The following CIMIP2C variants were observed in gnomAD, a reference collection of about 807,000 sequenced individuals.
The protein encoded by CIMIP2C is UPF0573 protein C2orf70.
chr2:26,566,901 G>A, the CIMIP2C span, among the ~76,000 whole-genome samples: 1 of 152,156 alleles, frequency 6.6e-6, no homozygotes, highest in Non-Finnish European at 1.5e-5. Flanking sequence ...TATATTTTTT[G>A]TAGAGACAGG....
At chr2:26,563,787 G>A in the CIMIP2C span, among the ~76,000 whole-genome samples, 1 of 152,174 alleles carries the variant, frequency 6.6e-6, no homozygotes, top group Non-Finnish European at 1.5e-5. Flanking sequence ...AGACACAGAG[G>A]TGCTGTGACA....
chr2:26,574,346 C>T, the CIMIP2C span, among the ~76,000 whole-genome samples: 1 of 152,194 alleles, frequency 6.6e-6, no homozygotes, highest in Non-Finnish European at 1.5e-5. Flanking sequence ...TACAAGGGCA[C>T]ATGGCTGGGC....
chr2:26,577,036 G>A, the CIMIP2C span, among the ~76,000 whole-genome samples: 7 of 152,214 alleles, frequency 4.6e-5, no homozygotes, highest in Non-Finnish European at 8.8e-5. Context: ...CCTCGGGAGA[G>A]GAGGAGGTTG....
the CIMIP2C span, chr2:26,579,098 A>C: frequency 1.7e-6 from 1 of 604,332 alleles, no homozygotes; most frequent in Non-Finnish European, 2.9e-6. Flanking sequence ...CTGTGTCCTC[A>C]CTCTTAACCA....
At chr2:26,572,844 C>T in the CIMIP2C span, among the ~76,000 whole-genome samples, 21 of 151,988 alleles carry the variant, frequency 1.4e-4, no homozygotes, top group African/African-American at 3.1e-4. Flanking sequence ...ACAGGCTGCC[C>T]GATGGTTCCA....
At chr2:26,568,421 G>GT in the CIMIP2C span, among the ~76,000 whole-genome samples, 2 of 152,302 alleles carry the variant, frequency 1.3e-5, no homozygotes, top group Admixed American at 6.5e-5. Context: ...CCTCTGAGCT[G>GT]TTCAAGTACA....
At chr2:26,574,050 C>T in the CIMIP2C span, among the ~76,000 whole-genome samples, 1 of 152,224 alleles carries the variant, frequency 6.6e-6, no homozygotes, top group African/African-American at 2.4e-5. Context: ...AGGCAGCGCC[C>T]GTTCTGTTGG....
the CIMIP2C span, among the ~76,000 whole-genome samples, chr2:26,574,523 A>G: frequency 4.6e-5 from 7 of 152,162 alleles, no homozygotes; most frequent in African/African-American, 1.7e-4. Flanking sequence ...CATCCAAGGG[A>G]TATGTCTGGT....
the CIMIP2C span, chr2:26,579,310 A>G: frequency 6.7e-5 from 108 of 1,613,512 alleles, no homozygotes; most frequent in Middle Eastern, 6.6e-4. Flanking sequence ...TCTGTGCCCA[A>G]AGAAGAAGTG....
At chr2:26,577,154 G>T in the CIMIP2C span, among the ~76,000 whole-genome samples, 1 of 152,334 alleles carries the variant, frequency 6.6e-6, no homozygotes, top group East Asian at 1.9e-4. Context: ...GGGAAGGAGA[G>T]GGGGGAGGAA....
At chr2:26,563,305 C>G in the CIMIP2C span, among the ~76,000 whole-genome samples, 1 of 152,248 alleles carries the variant, frequency 6.6e-6, no homozygotes, top group East Asian at 1.9e-4. Context: ...TTGCCCTGAG[C>G]GCTGGCTTGC....
chr2:26,577,964 G>C, the CIMIP2C span: 2 of 319,766 alleles, frequency 6.3e-6, no homozygotes, highest in East Asian at 7.7e-5. Context: ...TAGTCCTAAC[G>C]TGGGCGCCGA....
chr2:26,576,524 T>G, the CIMIP2C span, among the ~76,000 whole-genome samples: 1 of 152,148 alleles, frequency 6.6e-6, no homozygotes, highest in African/African-American at 2.4e-5. Flanking sequence ...GAATGCCATA[T>G]ATTTTGTAGG....
the CIMIP2C span, among the ~76,000 whole-genome samples, chr2:26,568,347 A>G: frequency 3.3e-5 from 5 of 152,098 alleles, no homozygotes; most frequent in African/African-American, 1.2e-4. Context: ...AAGCCACGTC[A>G]TTCCCCACCC....
the CIMIP2C span, chr2:26,576,177 T>C: frequency 1.9e-6 from 3 of 1,612,134 alleles, no homozygotes; most frequent in African/African-American, 2.7e-5. Flanking sequence ...TTCTACCAGG[T>C]AAGCTGTGTG....
chr2:26,575,233 G>A, the CIMIP2C span, among the ~76,000 whole-genome samples: 1 of 152,190 alleles, frequency 6.6e-6, no homozygotes, highest in Non-Finnish European at 1.5e-5. Context: ...TAGCGTGTTG[G>A]GAGGCTGCTG....
chr2:26,564,428 G>A, the CIMIP2C span, among the ~76,000 whole-genome samples: 48 of 152,260 alleles, frequency 3.2e-4, no homozygotes, highest in Non-Finnish European at 5.7e-4. Context: ...TCCCTTGAGC[G>A]CCCTGTCCTG....
At chr2:26,562,734 T>G in the CIMIP2C span, 1 of 1,491,914 alleles carries the variant, frequency 6.7e-7, no homozygotes, top group Non-Finnish European at 9.1e-7. Context: ...ACTAGCGCCC[T>G]CCTCGGTGAT....
chr2:26,576,401 C>T, the CIMIP2C span, among the ~76,000 whole-genome samples: 1 of 152,308 alleles, frequency 6.6e-6, no homozygotes, highest in South Asian at 2.1e-4. Flanking sequence ...CCCGGGGCTT[C>T]AGGACCCCCA....
Sources: allele counts gnomAD v4.1 joint callset (sites outside exome capture counted in the v4.1 genomes callset), GRCh38; gene constraint gnomAD v4.1.1; transcripts MANE v1.5; gene names NCBI Gene and HGNC (gene_info 2026-07-23, HGNC 2026-07-21).